GEMIN8: variants seen among roughly 807,000 people sequenced by gnomAD.
GEMIN8 encodes gem nuclear organelle associated protein 8.
For synonymous variants in GEMIN8, 80 were observed against 78.5 expected, an observed-to-expected ratio of 1.02 and a Z score of -0.10; for missense variants, 185 against 205.9, an observed-to-expected ratio of 0.90 and a Z score of 0.62.
intron 4 of GEMIN8, chrX:14,014,310 G>T: frequency 1.3e-6 from 1 of 752,557 alleles, no homozygotes; most frequent in Non-Finnish European, 1.6e-6. Flanking sequence ...TGGCTTGTCA[G>T]CAACCACCCA....
downstream of GEMIN8, among the ~76,000 whole-genome samples, chrX:14,001,800 C>T (rs1922981164): frequency 2.8e-5 from 3 of 108,315 alleles, no homozygotes; most frequent in South Asian, 1.3e-3. Context: ...TGTGAGCCAC[C>T]ATGCCCGGCC....
At chrX:13,993,913 C>A in the GEMIN8 span, among the ~76,000 whole-genome samples, 1 of 111,453 alleles carries the variant, frequency 9.0e-6, no homozygotes, top group Admixed American at 9.6e-5. Flanking sequence ...GAATCTCTGA[C>A]AGCAGGGCCC....
the GEMIN8 span, among the ~76,000 whole-genome samples, chrX:13,994,980 G>A: frequency 2.0e-3 from 225 of 112,107 alleles, 1 homozygote; most frequent in Non-Finnish European, 1.9e-3. Context: ...TCTGCAAGCT[G>A]AGGAACAAGG....
At chrX:14,004,973 T>C (rs1923092119), downstream of GEMIN8, among the ~76,000 whole-genome samples, 1 of 111,976 alleles carries the variant, frequency 8.9e-6, no homozygotes, top group Admixed American at 9.5e-5. Flanking sequence ...TTTTCTGCAA[T>C]AGGCTTGTAA....
At chrX:14,028,067 A>G (rs1217339589) in intron 1 of GEMIN8, among the ~76,000 whole-genome samples, 1 of 112,076 alleles carries the variant, frequency 8.9e-6, no homozygotes, top group East Asian at 2.8e-4. Context: ...CTTATTTCAA[A>G]TTTACTTTTT....
chrX:14,002,097 CAAA>C (rs59550732), downstream of GEMIN8, among the ~76,000 whole-genome samples: 1 of 23,632 alleles, frequency 4.2e-5, no homozygotes, highest in African/African-American at 1.7e-4. Context: ...TGCACTCCAG[CAAA>C]AAAAAAAAAA....
the GEMIN8 span, among the ~76,000 whole-genome samples, chrX:13,993,330 A>C: frequency 9.0e-6 from 1 of 111,003 alleles, no homozygotes; most frequent in Non-Finnish European, 1.9e-5. Flanking sequence ...CATGATGCAC[A>C]GGATATAGGG....
At chrX:13,991,025 C>G in the GEMIN8 span, among the ~76,000 whole-genome samples, 1 of 112,710 alleles carries the variant, frequency 8.9e-6, no homozygotes, top group Non-Finnish European at 1.9e-5. Context: ...AGCCACTGCG[C>G]CTGGCCTGCA....
chrX:14,022,079 T>TAC (rs774846796), intron 2 of GEMIN8, among the ~76,000 whole-genome samples: 56 of 102,095 alleles, frequency 5.5e-4, no homozygotes, highest in South Asian at 2.7e-3. Flanking sequence ...TATATATATA[T>TAC]ACACACACAC....
chrX:14,018,201 C>G (rs949121627), intron 4 of GEMIN8, among the ~76,000 whole-genome samples: 5 of 112,208 alleles, frequency 4.5e-5, no homozygotes, highest in Admixed American at 2.8e-4. Flanking sequence ...GTTTACCTAC[C>G]TAGAGTTCTA....
chrX:13,991,409 A>C, the GEMIN8 span, among the ~76,000 whole-genome samples: 2 of 111,807 alleles, frequency 1.8e-5, no homozygotes, highest in Admixed American at 1.9e-4. Context: ...CTGAGGGGGG[A>C]CATCCTTAGC....
rs752648197 is a variant in GEMIN8 at position 14,020,276 on chromosome X, G to C, written c.274C>G (p.His92Asp). The change falls in exon 4 of 5, where the codon CAT becomes GAT. Residue 92 changes from histidine (H) to aspartate (D), a missense_variant. By Grantham distance (81) the His-to-Asp change is moderately conservative. Coordinates refer to ENST00000680255, the MANE Select transcript of GEMIN8 (RefSeq NM_001042479.2). ...AWQDYPCSSS[H>D]FRRSGQHPRY... ...GGATGCTGCCCAGATCTTCTGAAAT[G>C]TGAAGAACTGCAGGGGTAGTCCTGC... The C allele has an allele frequency of 3.2e-5, 39 of 1,210,257 alleles. No individual in the cohort carries two copies. Among genetic ancestry groups the C allele is most frequent in the Non-Finnish European group, 4.4e-5 (39 of 893,993 alleles).
At chrX:13,991,709 C>T in the GEMIN8 span, among the ~76,000 whole-genome samples, 1 of 98,152 alleles carries the variant, frequency 1.0e-5, no homozygotes, top group Non-Finnish European at 2.1e-5. Context: ...AAATGACATA[C>T]ACGCACACAC....
At chrX:14,006,328 C>T (rs1006138609), downstream of GEMIN8, among the ~76,000 whole-genome samples, 3 of 111,075 alleles carry the variant, frequency 2.7e-5, no homozygotes, top group African/African-American at 9.8e-5. Context: ...CGCTCCCGGC[C>T]TGAGCTAGAG....
At chrX:13,998,841 G>A in the GEMIN8 span, among the ~76,000 whole-genome samples, 1 of 112,181 alleles carries the variant, frequency 8.9e-6, no homozygotes, top group South Asian at 3.7e-4. Context: ...GGCAGGTAAT[G>A]TGTGTAAGTT....
At chrX:14,002,993 C>A (rs1478987611), downstream of GEMIN8, among the ~76,000 whole-genome samples, 1 of 111,919 alleles carries the variant, frequency 8.9e-6, no homozygotes, top group African/African-American at 3.2e-5. Context: ...ATCCAAGACA[C>A]ACACCTGAGC....
At chrX:14,002,766 C>T (rs926929815), downstream of GEMIN8, among the ~76,000 whole-genome samples, 5 of 111,637 alleles carry the variant, frequency 4.5e-5, no homozygotes, top group East Asian at 8.4e-4. Context: ...CCTCCCAAAG[C>T]GCTGGGATTA....
At chrX:14,017,817 A>G (rs779005559) in intron 4 of GEMIN8, among the ~76,000 whole-genome samples, 1 of 112,121 alleles carries the variant, frequency 8.9e-6, no homozygotes, top group African/African-American at 3.2e-5. Flanking sequence ...CTTAACCTCA[A>G]TTACCTCTGG....
intron 2 of GEMIN8, among the ~76,000 whole-genome samples, chrX:14,021,824 ATATATATATATATATATATAG>A (rs1405602133): frequency 2.0e-5 from 1 of 49,482 alleles, no homozygotes; most frequent in Non-Finnish European, 4.0e-5. Context: ...GTATATATAT[ATATATATATATATATATATAG>A]TATATATATA....
Sources: allele counts gnomAD v4.1 joint callset (sites outside exome capture counted in the v4.1 genomes callset), GRCh38; gene constraint gnomAD v4.1.1; transcripts MANE v1.5; gene names NCBI Gene and HGNC (gene_info 2026-07-23, HGNC 2026-07-21).